The following PCDHA7 variants were observed in gnomAD, a reference collection of about 807,000 sequenced individuals.
PCDHA7 encodes the protein protocadherin alpha 7, also known as protocadherin alpha-7.
In PCDHA7, 37 loss-of-function variants were observed where a neutral mutation model predicts 57.2. That is an observed-to-expected ratio of 0.65 (90% CI 0.50 to 0.85). The LOEUF (loss-of-function observed/expected upper bound fraction) is 0.85. Among genes scored for constraint, PCDHA7 ranks in the 40% least tolerant of loss-of-function variants. The pLI is 0.00. For synonymous variants in PCDHA7, 553 were observed against 558.8 expected (o/e 0.99, Z 0.15); for missense variants, 1,188 against 1,241.8 (o/e 0.96, Z 0.65).
At chr5:140,871,205 T>C (rs1554165267) in intron 1 of PCDHA7, 3 of 1,613,774 alleles carry the variant, frequency 1.9e-6, no homozygotes, top group Admixed American at 3.3e-5. Flanking sequence ...TACCTGATCA[T>C]CGCCATCTGC....
At chr5:140,968,657 G>C in intron 1 of PCDHA7, 1 of 1,614,142 alleles carries the variant, frequency 6.2e-7, no homozygotes, top group Non-Finnish European at 8.5e-7. Context: ...TTCTGACCTG[G>C]ACCTCTTTAA....
chr5:140,839,045 G>A (rs914747083), intron 1 of PCDHA7, among the ~76,000 whole-genome samples: 2 of 151,914 alleles, frequency 1.3e-5, no homozygotes, highest in South Asian at 2.1e-4. Context: ...TCTTTTCAAC[G>A]TGAATAAGGA....
At chr5:140,910,408 G>A (rs1165160124) in intron 1 of PCDHA7, among the ~76,000 whole-genome samples, 2 of 152,106 alleles carry the variant, frequency 1.3e-5, no homozygotes, top group African/African-American at 2.4e-5. Flanking sequence ...CTGCCACCTC[G>A]AGATCCAATT....
Position 140,841,649 on chromosome 5 carries a change from G to C in PCDHA7, c.2355+4911G>C, listed in dbSNP as rs2150320047. On this transcript the variant is annotated intron_variant, in intron 1 of 3. Transcript: ENST00000525929. ...GTGCAGCATCCACCTGGAGGTGATC[G>C]TGGACAGGCCGCTGCAGGTTTTCCA... 3.1e-6 allele frequency: 5 copies of C among 1,614,050 alleles called. No homozygotes were observed. The South Asian group carries it at 4.4e-5, about 14-fold the overall frequency.
Position 140,836,528 on chromosome 5 carries a change from G to A in PCDHA7, c.2145G>A (p.Leu715=). The A allele has an allele frequency of 1.2e-6, 2 of 1,613,816 alleles. No homozygotes were observed. Among genetic ancestry groups the A allele is most frequent in the Non-Finnish European group, 8.5e-7 (1 of 1,179,836 alleles). ...CAVSSLLVLT[L]LLYTALRCSA... ...TGTCCAGTCTGTTGGTGCTTACCCT[G>A]CTGCTGTACACGGCGTTGCGGTGCT... is the stretch of plus-strand genomic sequence containing the variant. Residue 715 remains leucine, a synonymous_variant, in exon 1 of 4, where the codon CTG becomes CTA. Coordinates refer to ENST00000525929, the MANE Select transcript of PCDHA7 (RefSeq NM_018910.3).
At chr5:140,978,839 CT>C in intron 1 of PCDHA7, 109 bp from the exon 2 acceptor site, 3 of 1,556,998 alleles carry the variant, frequency 1.9e-6, no homozygotes, top group Non-Finnish European at 2.6e-6. Context: ...TCATTCAATA[CT>C]TTTTTAGATG....
intron 1 of PCDHA7, chr5:140,870,884 G>A (rs376620715): frequency 6.5e-5 from 105 of 1,613,948 alleles, no homozygotes; most frequent in Admixed American, 3.3e-4. Context: ...GCGAAGGTGC[G>A]CGCAGTGGAT....
chr5:140,985,739 CTTTTT>C (rs11372071), intron 3 of PCDHA7, among the ~76,000 whole-genome samples: 1 of 117,916 alleles, frequency 8.5e-6, no homozygotes, highest in Non-Finnish European at 1.7e-5. Context: ...TGATGAATTC[CTTTTT>C]TTTTTTTTTT....
At position 140,847,175 on chromosome 5, in the gene PCDHA7, G is replaced by A. The variant is rs1238681114; in HGVS notation, c.2355+10437G>A. ...TGATTTCTGAGTAATAAACTAAAGG[G>A]CCATGAGTGATTAAGGAATTTGGCC... is the stretch of plus-strand genomic sequence containing the variant. On this transcript the variant is annotated intron_variant, in intron 1 of 3. Transcript: ENST00000525929. Among the ~76,000 whole-genome samples the A allele has an allele frequency of 4.0e-5, 6 of 149,412 alleles. 2 individuals are homozygous for A. The highest frequency in any genetic ancestry group is 9.0e-5 in the Non-Finnish European group (6 of 66,808).
intron 1 of PCDHA7, among the ~76,000 whole-genome samples, chr5:140,897,173 G>A (rs1212341088): frequency 6.6e-6 from 1 of 151,926 alleles, no homozygotes; most frequent in East Asian, 1.9e-4. Context: ...CTATCTCCAT[G>A]GGTTCAAAAA....
intron 1 of PCDHA7, among the ~76,000 whole-genome samples, chr5:140,886,931 G>A (rs1426144437): frequency 6.6e-6 from 1 of 151,756 alleles, no homozygotes; most frequent in Non-Finnish European, 1.5e-5. Context: ...CTATGTGCCA[G>A]GCATGTTCTA....
At chr5:140,852,188 C>A in intron 1 of PCDHA7, 1 of 732,160 alleles carries the variant, frequency 1.4e-6, no homozygotes, top group Non-Finnish European at 1.7e-6. Flanking sequence ...TATGAAAATG[C>A]CAGTAACGTT....
At chr5:140,941,222 T>TCTTC (rs2092907237) in intron 1 of PCDHA7, among the ~76,000 whole-genome samples, 2 of 116,858 alleles carry the variant, frequency 1.7e-5, no homozygotes, top group Non-Finnish European at 3.8e-5. Flanking sequence ...TTCCTTTCTT[T>TCTTC]CTTTCTTTCT....
At chr5:140,948,027 G>T (rs530195389) in intron 1 of PCDHA7, among the ~76,000 whole-genome samples, 1 of 151,544 alleles carries the variant, frequency 6.6e-6, no homozygotes, top group Non-Finnish European at 1.5e-5. Flanking sequence ...TTTCTGGTTT[G>T]CTCAGAGTTT....
Position 140,982,555 on chromosome 5 carries a change from C to T in PCDHA7, c.2495C>T (p.Ala832Val). The change falls in exon 3 of 4, where the codon GCA becomes GTA. Residue 832 changes from alanine (A) to valine (V), a missense_variant. Around this residue, in one of 3 missense-constraint regions of PCDHA7, gnomAD observed 892 missense variants for 788.5 expected, o/e 1.13. Transcript: ENST00000525929. Reference sequence around the variant, plus strand: ...CAGCAGTGGCCAACAGTATCCAGTGCAACACCAGGTAAAGAGCTGGGGTCT... The same window carrying T: ...CAGCAGTGGCCAACAGTATCCAGTGTAACACCAGGTAAAGAGCTGGGGTCT... Reference protein sequence around the residue: ...PDQQWPTVSSATPEPEAGEVS... With the variant: ...PDQQWPTVSSVTPEPEAGEVS... The T allele has an allele frequency of 6.2e-7, 1 of 1,614,108 alleles. No homozygotes were observed. The highest frequency in any genetic ancestry group is 8.5e-7 in the Non-Finnish European group (1 of 1,179,990).
chr5:140,839,742 T>A (rs1554137563), intron 1 of PCDHA7, among the ~76,000 whole-genome samples: 2 of 152,054 alleles, frequency 1.3e-5, no homozygotes, highest in Non-Finnish European at 2.9e-5. Flanking sequence ...ATACCCTTAT[T>A]TGCCTTTCCT....
intron 1 of PCDHA7, among the ~76,000 whole-genome samples, chr5:140,914,309 C>A (rs1461023041): frequency 1.3e-5 from 2 of 152,082 alleles, no homozygotes; most frequent in Non-Finnish European, 2.9e-5. Flanking sequence ...TGAATTGACC[C>A]CATTATCATT....
intron 1 of PCDHA7, chr5:140,928,607 G>T: frequency 1.2e-6 from 2 of 1,614,188 alleles, no homozygotes; most frequent in Non-Finnish European, 1.7e-6. Context: ...ATTGTGCCCC[G>T]CTCTGCCAGG....
intron 1 of PCDHA7, chr5:140,855,842 A>G (rs1384044109): frequency 2.0e-5 from 13 of 639,106 alleles, no homozygotes; most frequent in Non-Finnish European, 3.4e-5. Flanking sequence ...ACTTACACCT[A>G]AAGCCACCGG....
Sources: gnomAD v4.1 joint callset for allele counts (sites outside exome capture counted in the v4.1 genomes callset) on GRCh38, gnomAD v4.1.1 for gene constraint, gnomAD v4.1.1 regional missense constraint, MANE v1.5 for transcripts, NCBI Gene and HGNC (gene_info 2026-07-23, HGNC 2026-07-21) for gene names.